The following ARSD variants were observed in gnomAD, a reference collection of about 807,000 sequenced individuals.
ARSD encodes arylsulfatase D.
Under a neutral mutation model 32.6 loss-of-function variants are expected in ARSD, and 21 were observed. That is an observed-to-expected ratio of 0.64 (90% confidence interval 0.46 to 0.93). The LOEUF is 0.93. Ranked by LOEUF, ARSD falls within the 40% of genes least tolerant of loss-of-function variation. The pLI is 0.00. For missense variants in ARSD, 454 were observed against 520.9 expected, an observed-to-expected ratio of 0.87 and a Z score of 1.25; for synonymous variants, 224 against 237.4, an observed-to-expected ratio of 0.94 and a Z score of 0.52.
In ARSD at chrX:2,913,812, G is replaced by T. The variant is rs1268215647; in HGVS notation, c.1000+1744C>A. 6 of 775,718 alleles carry T rather than the reference G, an allele frequency of 7.7e-6. No individual in the cohort carries two copies. In the East Asian group the frequency reaches 5.2e-4, roughly 67 times the overall value. 63.9% of individuals were successfully genotyped at this position (775,718 alleles called of 1,213,427 possible). Reference sequence around the variant, plus strand: ...CTCAGAATCGGCGGTGGGGCCTGGGGGGAGGTGACTGAATGATGGGGACAG... The same window carrying T: ...CTCAGAATCGGCGGTGGGGCCTGGGTGGAGGTGACTGAATGATGGGGACAG... On this transcript the variant is annotated intron_variant, in intron 6 of 9. Coordinates refer to ENST00000381154, the MANE Select transcript of ARSD (RefSeq NM_001669.4).
At chrX:2,920,426 A>C (rs1348056907) in intron 4 of ARSD, 175 bp downstream of exon 4, 2 of 519,796 alleles carry the variant, frequency 3.8e-6, no homozygotes, top group Non-Finnish European at 6.4e-6. Context: ...ACTGGAGTGC[A>C]GTGGTGTGAT....
rs760931823 is a variant in ARSD, at chrX:2,921,959, G to C, written c.260C>G (p.Pro87Arg). Residue 87 changes from proline to arginine, a missense_variant, in exon 3 of 10, where the codon CCG (proline) becomes CGG (arginine). Transcript: ENST00000381154. ...VRLTQHLAAAPLCTPSRAAFL... is the reference protein window; with the variant it reads ...VRLTQHLAAARLCTPSRAAFL... The stretch of plus-strand genomic sequence containing the variant: ...TGCAGCTCGGCTTGGGGTGCAGAGC[G>C]GGGCGGCCGCCAGGTGCTGAGTGAG... 8.3e-7 allele frequency: 1 copy of C among 1,210,800 alleles called. No individual in the cohort carries two copies. The highest frequency in any genetic ancestry group is 2.2e-5 in the Admixed American group (1 of 45,963).
intron 8 of ARSD, among the ~76,000 whole-genome samples, chrX:2,909,080 G>GCACACACACACA (rs60574020): frequency 2.2e-3 from 233 of 105,913 alleles, no homozygotes; most frequent in East Asian, 9.3e-3. Context: ...TAAGCAGAGT[G>GCACACACACACA]CACACACACA....
chrX:2,914,649 C>T, intron 6 of ARSD: 1 of 1,026,479 alleles, frequency 9.7e-7, no homozygotes. Context: ...GAATCTGCAG[C>T]CTCACTGGTC....
chrX:2,907,144 TG>T lies in ARSD; in HGVS notation c.*126del. 2 of 603,351 alleles carry T rather than the reference TG, an allele frequency of 3.3e-6. No homozygotes were observed. Among genetic ancestry groups the T allele is most frequent in the Non-Finnish European group, 5.1e-6 (2 of 390,389 alleles). The allele number at this position is 603,351 out of a possible 1,213,427, so 49.7% of individuals were successfully genotyped here. ...AAAAGAAAGAAAGAAAGAAAGAAAG[TG>T]GGGACCCACTCTCAGTCCAGGGCAT... On this transcript the variant is annotated 3_prime_UTR_variant, in exon 10 of 10. Coordinates refer to ENST00000381154, the MANE Select transcript of ARSD (RefSeq NM_001669.4).
chrX:2,928,999 C>G (rs1015174619), intron 1 of ARSD, among the ~76,000 whole-genome samples: 1 of 112,394 alleles, frequency 8.9e-6, no homozygotes, highest in South Asian at 3.6e-4. Context: ...GTCTCCTCCA[C>G]CCGCCCTTCG....
intron 6 of ARSD, chrX:2,914,245 T>C: frequency 2.7e-6 from 2 of 743,457 alleles, no homozygotes; most frequent in Non-Finnish European, 3.2e-6. Flanking sequence ...CTTTTTTTTT[T>C]TGGAGACAGG....
chrX:2,911,381 CA>C (rs1351367566), intron 6 of ARSD, among the ~76,000 whole-genome samples: 1 of 106,944 alleles, frequency 9.4e-6, no homozygotes, highest in East Asian at 3.0e-4. Context: ...AAAAAAAACC[CA>C]AAAGAGGGCC....
intron 2 of ARSD, among the ~76,000 whole-genome samples, chrX:2,924,915 T>C (rs1328427245): frequency 9.3e-6 from 1 of 107,121 alleles, no homozygotes; most frequent in Non-Finnish European, 1.9e-5. Flanking sequence ...CCCTACAGCC[T>C]CTCAGGGAGC....
At position 2,907,362 on chromosome X, in the gene ARSD, A is replaced by G. The variant is rs2228431; in HGVS notation, c.1691T>C (p.Met564Thr). The change falls in exon 10 of 10, where the codon ATG becomes ACG. Residue 564 changes from methionine (M) to threonine (T), a missense_variant. By Grantham distance (81) the Met-to-Thr change is moderately conservative. Around this residue, in one of 3 missense-constraint regions of ARSD, gnomAD observed 179 missense variants for 198.5 expected, o/e 0.90. Coordinates refer to ENST00000381154, the MANE Select transcript of ARSD (RefSeq NM_001669.4). ...CCACGGCTTCCACAGGATGTTGCTCATGGAAAACTGCTGGGGCACAGGACT... is the reference window on the plus strand; with the variant it reads ...CCACGGCTTCCACAGGATGTTGCTCGTGGAAAACTGCTGGGGCACAGGACT... The part of the protein sequence containing the change: ...TLSPVPQQFS[M>T]SNILWKPWLQ... 0.079 allele frequency: 95,406 copies of G among 1,209,857 alleles called. 5,370 individuals are homozygous for G. Among genetic ancestry groups the G allele is most frequent in the East Asian group, 0.42 (14,290 of 33,633 alleles).
At chrX:2,911,753 G>A (rs570694536) in intron 6 of ARSD, among the ~76,000 whole-genome samples, 19 of 110,445 alleles carry the variant, frequency 1.7e-4, no homozygotes, top group Admixed American at 1.4e-3. Flanking sequence ...TAGTGGGGGC[G>A]GGGGGAGTGG....
At chrX:2,921,660 G>A (rs771288793) in intron 3 of ARSD, among the ~76,000 whole-genome samples, 2 of 112,227 alleles carry the variant, frequency 1.8e-5, no homozygotes, top group African/African-American at 6.5e-5. Context: ...ATACTGGCTC[G>A]GAATAAACCT....
intron 3 of ARSD, among the ~76,000 whole-genome samples, chrX:2,921,140 A>G (rs1256991108): frequency 1.8e-5 from 2 of 110,967 alleles, no homozygotes; most frequent in Non-Finnish European, 3.8e-5. Context: ...GCCAAAACAG[A>G]GACACCCCAC....
At chrX:2,914,581 C>T in intron 6 of ARSD, 1 of 1,017,542 alleles carries the variant, frequency 9.8e-7, no homozygotes, top group Non-Finnish European at 1.3e-6. Flanking sequence ...TATCACGATG[C>T]TTGTCTCAGG....
chrX:2,929,080 G>C (rs1165487709), intron 1 of ARSD, 152 bp downstream of exon 1: 6 of 496,356 alleles, frequency 1.2e-5, no homozygotes, highest in Non-Finnish European at 1.7e-5. Flanking sequence ...CGCGCCTCCA[G>C]CTACATTTTG....
chrX:2,924,003 G>A (rs1297216372), intron 2 of ARSD, among the ~76,000 whole-genome samples: 1 of 112,338 alleles, frequency 8.9e-6, no homozygotes, highest in African/African-American at 3.2e-5. Context: ...CAGGGTGTTC[G>A]AAAGGGGATC....
In ARSD at chrX:2,905,617, T is replaced by A. The variant is rs1043270; in HGVS notation, c.*1654A>T. The A allele has an allele frequency of 0.12, 12,987 of 112,769 alleles. 902 individuals carry two copies. The highest frequency in any genetic ancestry group is 0.44 in the East Asian group (1,531 of 3,509). 9.3% of individuals were successfully genotyped at this position (112,769 alleles called of 1,213,427 possible). A position where few individuals can be genotyped will look rare whatever the true frequency, so the allele number is the denominator to read the frequency against. ...AAGGGGCAAACTTTCCATCAGGGCA[T>A]CTTCTGTGCCTCTGAGGATCATTTT... On this transcript the variant is annotated 3_prime_UTR_variant, in exon 10 of 10. Transcript: ENST00000381154.
chrX:2,907,557 C>T lies in ARSD; in HGVS notation c.1496G>A (p.Gly499Asp). The change falls in exon 10 of 10, where the codon GGC (glycine) becomes GAC (aspartate). Residue 499 changes from glycine (G) to aspartate (D), a missense_variant. Gly to Asp is a moderately conservative substitution (Grantham distance 94, BLOSUM62 -1). Transcript: ENST00000381154. ...PEGAGACYGR[G>D]VCPCSGEGVT... The stretch of plus-strand genomic sequence containing the variant: ...GCCCTCCCCGGAGCATGGGCAGACG[C>T]CTCGGCCGTAGCAGGCCCCCGCTCC... 8.6e-7 allele frequency: 1 copy of T among 1,156,333 alleles called. No individual in the cohort carries two copies.
rs2089035181 is a variant in ARSD, at chrX:2,922,166, T to C, written c.195-142A>G. 4 of 761,809 alleles carry C rather than the reference T, an allele frequency of 5.3e-6. No homozygotes were observed. The South Asian group carries it at 9.2e-5, about 17-fold the overall frequency. The allele number at this position is 761,809 out of a possible 1,213,427, so 62.8% of individuals were successfully genotyped here. ...GTTGCATTATGGTCTCCTGCAGCGG[T>C]AGATTGACCCCATCCTAAGTTTGGT... On this transcript the variant is annotated intron_variant, in intron 2 of 9. Transcript: ENST00000381154.
Sources: allele counts gnomAD v4.1 joint callset (sites outside exome capture counted in the v4.1 genomes callset), GRCh38; gene constraint gnomAD v4.1.1; regional missense constraint gnomAD v4.1.1; transcripts MANE v1.5; gene names NCBI Gene and HGNC (gene_info 2026-07-23, HGNC 2026-07-21).